The following OLA1 variants were observed in gnomAD, a reference collection of about 807,000 sequenced individuals.
The protein encoded by OLA1 is obg-like ATPase 1.
Under a neutral mutation model 48.4 loss-of-function variants are expected in OLA1, and 14 were observed. The ratio of observed to expected loss-of-function variants is 0.29; its 90% CI spans 0.19 to 0.45. OLA1 has a LOEUF of 0.45. Ranked by LOEUF, OLA1 falls within the 20% of genes least tolerant of loss-of-function variation. OLA1 has a pLI of 1.00. For synonymous variants in OLA1, 127 were observed against 150.4 expected (o/e 0.84, Z 1.14); for missense variants, 325 against 467.1 (o/e 0.70, Z 2.80).
chr2:174,159,716 C>G (rs1686968641), intron 4 of OLA1, among the ~76,000 whole-genome samples: 1 of 151,938 alleles, frequency 6.6e-6, no homozygotes, highest in Admixed American at 6.6e-5. Context: ...ATTCTGGGTG[C>G]CATAAACTAT....
At chr2:174,226,861 C>G (rs13007947) in intron 3 of OLA1, among the ~76,000 whole-genome samples, 19,406 of 152,014 alleles carry the variant, frequency 0.13, 1,448 homozygotes, top group East Asian at 0.21. Context: ...GAGGCCAAGA[C>G]AGGAGGATTA....
At chr2:174,169,410 G>A (rs750616341) in intron 4 of OLA1, among the ~76,000 whole-genome samples, 4 of 152,166 alleles carry the variant, frequency 2.6e-5, no homozygotes, top group East Asian at 1.9e-4. Context: ...CACAAATGTC[G>A]AAGGTAAAGA....
intron 4 of OLA1, among the ~76,000 whole-genome samples, chr2:174,163,463 G>A (rs865986018): frequency 1.6e-4 from 24 of 151,594 alleles, no homozygotes; most frequent in African/African-American, 4.8e-4. Flanking sequence ...CAAGGCAGGC[G>A]GATCACCTGA....
chr2:174,134,460 C>T (rs4972431), intron 5 of OLA1, among the ~76,000 whole-genome samples: 82,018 of 151,996 alleles, frequency 0.54, 22,788 homozygotes, highest in East Asian at 0.95. Flanking sequence ...TCTAGTTATT[C>T]TGAAATATAA....
At chr2:174,174,033 CACAAAAAA>C (rs1687366042) in intron 4 of OLA1, among the ~76,000 whole-genome samples, 1 of 29,320 alleles carries the variant, frequency 3.4e-5, no homozygotes, top group East Asian at 0.012. Context: ...CACACACACA[CACAAAAAA>C]AAAAAAAAAA....
chr2:174,241,828 G>T (rs910417314), intron 2 of OLA1, among the ~76,000 whole-genome samples: 4 of 152,114 alleles, frequency 2.6e-5, no homozygotes, highest in Non-Finnish European at 5.9e-5. Context: ...TAGACATGGG[G>T]TTTCACCATG....
chr2:174,133,859 A>C (rs1014667432), intron 5 of OLA1, among the ~76,000 whole-genome samples: 1 of 152,206 alleles, frequency 6.6e-6, no homozygotes, highest in Non-Finnish European at 1.5e-5. Context: ...TGTTATACAA[A>C]CCACCTCTAT....
At chr2:174,157,119 GT>G (rs1382931989) in intron 4 of OLA1, among the ~76,000 whole-genome samples, 1 of 152,100 alleles carries the variant, frequency 6.6e-6, no homozygotes, top group African/African-American at 2.4e-5. Context: ...AATGTGGCAT[GT>G]CATCCACTTG....
chr2:174,129,664 T>A (rs2105371946), intron 5 of OLA1, among the ~76,000 whole-genome samples: 1 of 152,192 alleles, frequency 6.6e-6, no homozygotes, highest in Non-Finnish European at 1.5e-5. Flanking sequence ...CTTTTCCCTT[T>A]CTGCCTTCTT....
intron 4 of OLA1, among the ~76,000 whole-genome samples, chr2:174,168,196 G>T (rs950739010): frequency 6.6e-6 from 1 of 152,206 alleles, no homozygotes; most frequent in African/African-American, 2.4e-5. Flanking sequence ...TGTAGCGATG[G>T]AAGAATGCAA....
intron 4 of OLA1, among the ~76,000 whole-genome samples, chr2:174,178,946 C>T (rs1028340851): frequency 6.6e-6 from 1 of 151,790 alleles, no homozygotes; most frequent in African/African-American, 2.4e-5. Flanking sequence ...ATGAGTACAG[C>T]AAGAAAGATG....
chr2:174,097,409 T>C (rs1685281820), intron 7 of OLA1, among the ~76,000 whole-genome samples: 1 of 152,082 alleles, frequency 6.6e-6, no homozygotes, highest in African/African-American at 2.4e-5. Context: ...GTGACATACA[T>C]AAAACTTTTT....
chr2:174,169,671 C>T (rs977597814), intron 4 of OLA1, among the ~76,000 whole-genome samples: 6 of 152,040 alleles, frequency 3.9e-5, no homozygotes, highest in Admixed American at 6.6e-5. Flanking sequence ...TGCTATAGAA[C>T]GGTCTTCAAA....
chr2:174,076,073 G>GT, intron 10 of OLA1, among the ~76,000 whole-genome samples: 1 of 152,288 alleles, frequency 6.6e-6, no homozygotes, highest in East Asian at 1.9e-4. Flanking sequence ...ATACATAGAA[G>GT]TATGTACTAG....
At chr2:174,164,859 G>A (rs971116398) in intron 4 of OLA1, among the ~76,000 whole-genome samples, 6 of 152,152 alleles carry the variant, frequency 3.9e-5, no homozygotes, top group African/African-American at 1.4e-4. Flanking sequence ...TGGTCCAATG[G>A]AGGAAATTTC....
At chr2:174,141,574 C>G (rs1686447577) in intron 5 of OLA1, among the ~76,000 whole-genome samples, 1 of 152,104 alleles carries the variant, frequency 6.6e-6, no homozygotes, top group Admixed American at 6.6e-5. Context: ...AACTTGAAGG[C>G]CTACATAGTA....
chr2:174,162,498 T>C (rs541427641), intron 4 of OLA1, among the ~76,000 whole-genome samples: 2 of 152,368 alleles, frequency 1.3e-5, no homozygotes, highest in African/African-American at 4.8e-5. Flanking sequence ...TGTATGCTTA[T>C]GTGTTATCTT....
intron 4 of OLA1, among the ~76,000 whole-genome samples, chr2:174,191,619 T>C (rs940842214): frequency 4.6e-5 from 7 of 152,088 alleles, no homozygotes; most frequent in African/African-American, 1.7e-4. Flanking sequence ...CATACTCAGC[T>C]AATTTATTAT....
At chr2:174,144,340 G>A (rs1686529276) in intron 4 of OLA1, among the ~76,000 whole-genome samples, 1 of 151,888 alleles carries the variant, frequency 6.6e-6, no homozygotes, top group African/African-American at 2.4e-5. Context: ...TGTATTGTGA[G>A]GTGGTAACAT....
Sources: allele counts gnomAD v4.1 joint callset (sites outside exome capture counted in the v4.1 genomes callset), GRCh38; gene constraint gnomAD v4.1.1; transcripts MANE v1.5; gene names NCBI Gene and HGNC (gene_info 2026-07-23, HGNC 2026-07-21).